CASZ1: variants seen among roughly 807,000 people sequenced by gnomAD.
The protein encoded by CASZ1 is zinc finger protein castor homolog 1.
A neutral mutation model predicts 135.2 loss-of-function variants in CASZ1; 28 were observed. The observed-to-expected ratio is 0.21, with a 90% CI of 0.15 to 0.28. CASZ1 has a LOEUF of 0.28. Among genes scored for constraint, CASZ1 ranks in the 10% least tolerant of loss-of-function variants. CASZ1 has a pLI of 1.00. For missense variants in CASZ1, 2,161 were observed against 2,453.3 expected (o/e 0.88, Z 2.52); for synonymous variants, 1,068 against 1,073.4 (o/e 0.99, Z 0.10).
rs374760422 is a variant in CASZ1, at chr1:10,654,523, A to G, written c.1734T>C (p.Asn578=). Residue 578 remains asparagine, a synonymous_variant, in exon 10 of 21, where the codon AAT becomes AAC. Coordinates refer to ENST00000377022, the MANE Select transcript of CASZ1 (RefSeq NM_001079843.3). ...VMTHENFHKK[N]TQLINDGFQR... is the part of the protein sequence containing the mutation. ...GGAAGCCGTCGTTAATGAGCTGGGTATTCTTCTTGTGGAAGTTCTCGTGGG... is the reference window on the plus strand; with the variant it reads ...GGAAGCCGTCGTTAATGAGCTGGGTGTTCTTCTTGTGGAAGTTCTCGTGGG... 6.3e-5 allele frequency: 101 copies of G among 1,614,082 alleles called. No homozygotes were observed. Among genetic ancestry groups the G allele is most frequent in the Non-Finnish European group, 8.1e-5 (95 of 1,180,040 alleles).
At chr1:10,772,164 G>A (rs1234702806) in intron 1 of CASZ1, among the ~76,000 whole-genome samples, 1 of 152,242 alleles carries the variant, frequency 6.6e-6, no homozygotes, top group South Asian at 2.1e-4. Context: ...TTGCCTGGAG[G>A]AAGGAGGAGA....
rs1639050603 is a variant in CASZ1, at chr1:10,701,083, T to C, written c.-24+4409A>G. Among the ~76,000 whole-genome samples the C allele has an allele frequency of 6.6e-6, 1 of 152,170 alleles. No individual in the cohort carries two copies. Among genetic ancestry groups the C allele is most frequent in the Non-Finnish European group, 1.5e-5 (1 of 68,024 alleles). ...GCCTGGGCTGGTGTCCATGGGTGTA[T>C]ACCATTGGTGCTTACAAATATCTAC... On this transcript the variant is annotated intron_variant, in intron 3 of 20. Transcript: ENST00000377022. This position sits in a 1 kb window ranked among gnomAD's most constrained non-coding sequence, Gnocchi z 6.3.
At position 10,735,589 on chromosome 1, in the gene CASZ1, G is replaced by T. The variant is rs1199194855; in HGVS notation, c.-77+25112C>A. Among the ~76,000 whole-genome samples the T allele has an allele frequency of 6.6e-6, 1 of 152,222 alleles. No individual in the cohort carries two copies. The highest frequency in any genetic ancestry group is 2.4e-5 in the African/African-American group (1 of 41,456). On this transcript the variant is annotated intron_variant, in intron 2 of 20. Transcript: ENST00000377022. The surrounding 1 kb of genome is among the most constrained non-coding windows in gnomAD (Gnocchi z 5.1). ...GATGGCTGGTGCCTCTTAGCCAAGT[G>T]CCACGGACAGAAGTTTTGCCTTTAC...
intron 4 of CASZ1, among the ~76,000 whole-genome samples, chr1:10,681,886 C>T (rs1342304635): frequency 6.6e-6 from 1 of 151,310 alleles, no homozygotes; most frequent in Non-Finnish European, 1.5e-5. Flanking sequence ...GCCCCAGGCT[C>T]ACCTCCAAAC....
intron 2 of CASZ1, among the ~76,000 whole-genome samples, chr1:10,750,511 T>C (rs1378635210): frequency 6.6e-6 from 1 of 152,112 alleles, no homozygotes; most frequent in African/African-American, 2.4e-5. Context: ...GTCAAGCGAT[T>C]CTCGCCTCAG....
chr1:10,753,235 G>C (rs1450803695), intron 2 of CASZ1, among the ~76,000 whole-genome samples: 1 of 152,206 alleles, frequency 6.6e-6, no homozygotes, highest in African/African-American at 2.4e-5. Flanking sequence ...CCCCGGCAGG[G>C]GGGTACAGTT....
At chr1:10,651,536 C>T (rs1252369852) in intron 11 of CASZ1, 1 of 152,754 alleles carries the variant, frequency 6.5e-6, no homozygotes, top group Non-Finnish European at 1.5e-5. Flanking sequence ...GGAAGGGCCT[C>T]TGCTGTGTCA....
intron 1 of CASZ1, among the ~76,000 whole-genome samples, chr1:10,775,956 C>T (rs1051029316): frequency 1.3e-5 from 2 of 152,194 alleles, no homozygotes; most frequent in African/African-American, 4.8e-5. Context: ...ATACTGTCTG[C>T]TTTCTGCCCT....
At chr1:10,783,886 A>C (rs568485500) in intron 1 of CASZ1, among the ~76,000 whole-genome samples, 2 of 151,580 alleles carry the variant, frequency 1.3e-5, no homozygotes, top group South Asian at 2.1e-4. Context: ...AAAAAAAAAA[A>C]AAAAAAACCT....
At chr1:10,744,700 T>A (rs888119209) in intron 2 of CASZ1, among the ~76,000 whole-genome samples, 2 of 127,812 alleles carry the variant, frequency 1.6e-5, no homozygotes, top group Admixed American at 1.5e-4. Flanking sequence ...AGCAGGCATG[T>A]CCTGGGCACC....
intron 4 of CASZ1, among the ~76,000 whole-genome samples, chr1:10,688,040 C>T (rs565361854): frequency 9.9e-5 from 15 of 152,220 alleles, no homozygotes; most frequent in Non-Finnish European, 1.8e-4. Flanking sequence ...ATCAGTTCCA[C>T]CAGCACTTAC....
intron 1 of CASZ1, among the ~76,000 whole-genome samples, chr1:10,763,160 C>T (rs1419301245): frequency 6.6e-6 from 1 of 152,236 alleles, no homozygotes; most frequent in Non-Finnish European, 1.5e-5. Flanking sequence ...TAAACTGAGG[C>T]TTTCCCACAG....
chr1:10,774,866 G>C lies in CASZ1; in HGVS notation c.-233-14009C>G, dbSNP rs543215907. ...TACAGACAAGGGAATGAATCCCCACGTGTCTCCTGCAACCATCTCTGTTCC... is the reference window on the plus strand; with the variant it reads ...TACAGACAAGGGAATGAATCCCCACCTGTCTCCTGCAACCATCTCTGTTCC... On this transcript the variant is annotated intron_variant, in intron 1 of 20. Transcript: ENST00000377022. This position sits in a 1 kb window ranked among gnomAD's most constrained non-coding sequence, Gnocchi z 4.4. 6.6e-6 allele frequency among the ~76,000 whole-genome samples: 1 copy of C among 152,066 alleles called. No homozygotes were observed. The highest frequency in any genetic ancestry group is 2.4e-5 in the African/African-American group (1 of 41,388).
At chr1:10,642,796 C>T in intron 20 of CASZ1, 63 bp downstream of exon 20, 1 of 1,573,450 alleles carries the variant, frequency 6.4e-7, no homozygotes, top group Non-Finnish European at 8.6e-7. Flanking sequence ...CAAGCTGCAC[C>T]CAGCGGTGCT....
intron 11 of CASZ1, chr1:10,651,476 T>G: frequency 6.4e-6 from 1 of 155,896 alleles, no homozygotes; most frequent in Non-Finnish European, 1.4e-5. Context: ...CCCTCTGTGG[T>G]CCCCAGCCCG....
chr1:10,742,230 G>A (rs907656949), intron 2 of CASZ1, among the ~76,000 whole-genome samples: 3 of 152,342 alleles, frequency 2.0e-5, no homozygotes, highest in East Asian at 1.9e-4. Flanking sequence ...AAAGAGCTGG[G>A]CAGAGGGGCA....
intron 1 of CASZ1, among the ~76,000 whole-genome samples, chr1:10,792,082 G>C (rs1045743775): frequency 4.0e-5 from 6 of 150,864 alleles, no homozygotes; most frequent in Non-Finnish European, 8.8e-5. Context: ...TCGCCTCTGA[G>C]CTGAGCAGCA....
At chr1:10,672,786 C>T (rs895397738) in intron 4 of CASZ1, among the ~76,000 whole-genome samples, 6 of 152,226 alleles carry the variant, frequency 3.9e-5, no homozygotes, top group African/African-American at 1.2e-4. Flanking sequence ...CTCCAGTCTC[C>T]AGGATGTGTG....
Position 10,646,201 on chromosome 1 carries a change from T to A in CASZ1, c.3623A>T (p.Asn1208Ile). 6.2e-7 allele frequency: 1 copy of A among 1,614,010 alleles called. No individual in the cohort carries two copies. The highest frequency in any genetic ancestry group is 8.5e-7 in the Non-Finnish European group (1 of 1,179,988). The part of the protein sequence containing the change: ...KAESHCLDHI[N>I]PNNNLVNVRD... ...CACGTTCACCAGGTTGTTGTTGGGGTTGATGTGGTCCAGGCAGTGGGATTC... is the reference window on the plus strand; with the variant it reads ...CACGTTCACCAGGTTGTTGTTGGGGATGATGTGGTCCAGGCAGTGGGATTC... Residue 1208 changes from asparagine (N) to isoleucine (I), a missense_variant, in exon 17 of 21, where the codon AAC becomes ATC. Physicochemically the swap from Asn to Ile is moderately radical, Grantham distance 149. Transcript: ENST00000377022. The surrounding 1 kb of genome is among the most constrained non-coding windows in gnomAD (Gnocchi z 6.4).
Sources: allele counts gnomAD v4.1 joint callset (sites outside exome capture counted in the v4.1 genomes callset), GRCh38; gene constraint gnomAD v4.1.1; non-coding constraint Gnocchi (gnomAD v3.1); transcripts MANE v1.5; gene names NCBI Gene and HGNC (gene_info 2026-07-23, HGNC 2026-07-21).